Variants in SCRG1 observed in about 807,000 individuals in gnomAD.
SCRG1 encodes stimulator of chondrogenesis 1, also known as scrapie-responsive protein 1.
SCRG1 carries 3 observed loss-of-function variants against 7.7 expected under a neutral mutation model. The observed-to-expected ratio is 0.39, with a 90% CI of 0.18 to 1.01. The LOEUF (loss-of-function observed/expected upper bound fraction) is 1.01. SCRG1 is among the 50% of genes least tolerant of loss of function. SCRG1 has a pLI of 0.36. For synonymous variants in SCRG1, 46 were observed against 41.2 expected (o/e 1.12, Z -0.44); for missense variants, 110 against 117.2 (o/e 0.94, Z 0.28).
At chr4:173,513,815 T>A in the SCRG1 span, among the ~76,000 whole-genome samples, 3 of 152,156 alleles carry the variant, frequency 2.0e-5, no homozygotes, top group African/African-American at 7.2e-5. Flanking sequence ...GCTTTTCTAC[T>A]CATTAGGAAG....
chr4:173,447,061 G>C, the SCRG1 span, among the ~76,000 whole-genome samples: 1 of 152,242 alleles, frequency 6.6e-6, no homozygotes, highest in Non-Finnish European at 1.5e-5. Context: ...GTCTTAGGCA[G>C]TTCAGGCTGC....
chr4:173,485,070 T>C, the SCRG1 span, among the ~76,000 whole-genome samples: 2 of 7,164 alleles, frequency 2.8e-4, 1 homozygote, highest in Non-Finnish European at 6.1e-4. Context: ...TATTATATAT[T>C]ATATATTATA....
intron 1 of SCRG1, among the ~76,000 whole-genome samples, chr4:173,392,744 T>C (rs893711959): frequency 2.0e-5 from 3 of 152,176 alleles, no homozygotes; most frequent in African/African-American, 7.2e-5. Context: ...GTATCTTTCC[T>C]TCCTTGGAAA....
At chr4:173,484,013 A>G in the SCRG1 span, among the ~76,000 whole-genome samples, 16 of 93,044 alleles carry the variant, frequency 1.7e-4, no homozygotes, top group African/African-American at 7.0e-4. Context: ...TACATATTAT[A>G]TAATATATTA....
chr4:173,392,856 C>T (rs1019338620), intron 1 of SCRG1, among the ~76,000 whole-genome samples: 13 of 152,102 alleles, frequency 8.5e-5, no homozygotes, highest in African/African-American at 3.1e-4. Flanking sequence ...TTTGGGAGGC[C>T]AAACCCGGCA....
the SCRG1 span, among the ~76,000 whole-genome samples, chr4:173,477,645 G>T: frequency 1.3e-5 from 2 of 152,046 alleles, no homozygotes; most frequent in African/African-American, 4.8e-5. Flanking sequence ...TCAGCACAGG[G>T]TCTTGTTTTT....
the SCRG1 span, among the ~76,000 whole-genome samples, chr4:173,428,760 G>A: frequency 5.9e-5 from 9 of 152,318 alleles, no homozygotes; most frequent in African/African-American, 1.9e-4. Flanking sequence ...GATGTAACCA[G>A]TACATTAGTT....
chr4:173,484,924 T>G, the SCRG1 span, among the ~76,000 whole-genome samples: 1 of 1,758 alleles, frequency 5.7e-4, no homozygotes, highest in South Asian at 0.062. Context: ...ATTTTAGATA[T>G]TATATATTAT....
chr4:173,442,797 C>G, the SCRG1 span, among the ~76,000 whole-genome samples: 1 of 152,094 alleles, frequency 6.6e-6, no homozygotes, highest in Non-Finnish European at 1.5e-5. Context: ...GAACTTTATC[C>G]TTTGATCAGG....
At chr4:173,438,800 A>G in the SCRG1 span, among the ~76,000 whole-genome samples, 1 of 151,602 alleles carries the variant, frequency 6.6e-6, no homozygotes. Flanking sequence ...AAGCTTGATC[A>G]TGATATTTCA....
the SCRG1 span, among the ~76,000 whole-genome samples, chr4:173,484,008 A>G: frequency 6.0e-5 from 5 of 83,938 alleles, no homozygotes; most frequent in Middle Eastern, 0.014. Flanking sequence ...TATATTACAT[A>G]TTATATAATA....
chr4:173,434,955 G>A, the SCRG1 span, among the ~76,000 whole-genome samples: 7 of 152,114 alleles, frequency 4.6e-5, no homozygotes, highest in African/African-American at 1.7e-4. Context: ...CAGGCCCAGG[G>A]GTTCAGGCTG....
the SCRG1 span, among the ~76,000 whole-genome samples, chr4:173,423,294 A>T: frequency 5.3e-5 from 8 of 152,232 alleles, no homozygotes; most frequent in Non-Finnish European, 1.2e-4. Context: ...GGATTCATCT[A>T]AGATACACAA....
chr4:173,516,561 T>C, the SCRG1 span, among the ~76,000 whole-genome samples: 438 of 152,314 alleles, frequency 2.9e-3, 4 homozygotes, highest in Middle Eastern at 0.031. Context: ...TGCCTTTAAT[T>C]GACACCGTGT....
chr4:173,391,708 G>A (rs1739452377), intron 1 of SCRG1, among the ~76,000 whole-genome samples: 2 of 152,308 alleles, frequency 1.3e-5, no homozygotes, highest in South Asian at 4.1e-4. Context: ...TACAAGGATT[G>A]CTTGAACCCA....
At chr4:173,391,523 G>T in intron 1 of SCRG1, 95 bp from the exon 2 acceptor site, 2 of 1,290,228 alleles carry the variant, frequency 1.6e-6, no homozygotes, top group South Asian at 2.7e-5. Flanking sequence ...TAAACCCTTG[G>T]ATAGAAAGAA....
At chr4:173,395,058 C>A (rs1043353331) in intron 1 of SCRG1, among the ~76,000 whole-genome samples, 1 of 152,058 alleles carries the variant, frequency 6.6e-6, no homozygotes, top group Non-Finnish European at 1.5e-5. Context: ...CAGGAATGTT[C>A]TTTTTTGGGC....
At chr4:173,487,062 G>A in the SCRG1 span, among the ~76,000 whole-genome samples, 1 of 152,122 alleles carries the variant, frequency 6.6e-6, no homozygotes, top group Non-Finnish European at 1.5e-5. Context: ...AAAAAAGTCT[G>A]AGGCCCCACC....
chr4:173,467,990 C>T, the SCRG1 span: 5 of 152,400 alleles, frequency 3.3e-5, no homozygotes, highest in East Asian at 1.9e-4. Context: ...ATAGTGACTC[C>T]GTATATATTT....
Sources: allele counts gnomAD v4.1 joint callset (sites outside exome capture counted in the v4.1 genomes callset), GRCh38; gene constraint gnomAD v4.1.1; transcripts MANE v1.5; gene names NCBI Gene and HGNC (gene_info 2026-07-23, HGNC 2026-07-21).